The following CTNNA2 variants were observed in gnomAD, a reference collection of about 807,000 sequenced individuals.
CTNNA2 encodes catenin alpha 2, also known as catenin alpha-2.
Under a neutral mutation model 101.0 loss-of-function variants are expected in CTNNA2, and 42 were observed. The ratio of observed to expected loss-of-function variants is 0.42; its 90% CI spans 0.32 to 0.54. The LOEUF is 0.54. CTNNA2 is among the 20% of genes least tolerant of loss of function. CTNNA2 has a pLI of 0.14. For synonymous variants in CTNNA2, 450 were observed against 456.4 expected, an observed-to-expected ratio of 0.99 and a Z score of 0.18; for missense variants, 871 against 1,223.1, an observed-to-expected ratio of 0.71 and a Z score of 4.29.
rs866440737 is a variant in CTNNA2, at chr2:79,930,296, G to A, written c.1056+20499G>A. ...AAAGAAAGAGAGAGAGAGAGAAAGA[G>A]AAAGAAAGAAAGAAAGAAAGAAAGA... On this transcript the variant is annotated intron_variant, in intron 7 of 18. Transcript: ENST00000402739. Among the ~76,000 whole-genome samples the A allele has an allele frequency of 1.9e-4, 3 of 15,966 alleles. 1 individual carries two copies. The highest frequency in any genetic ancestry group is 8.0e-4 in the African/African-American group (3 of 3,744). 10.5% of individuals were successfully genotyped at this position (15,966 alleles called of 152,430 possible).
At chr2:80,281,086 A>G (rs1674343965) in intron 7 of CTNNA2, among the ~76,000 whole-genome samples, 1 of 152,158 alleles carries the variant, frequency 6.6e-6, no homozygotes, top group South Asian at 2.1e-4. Flanking sequence ...ATTGGCTATT[A>G]GCTAAAATGC....
rs150482250 is a variant in CTNNA2 at position 80,284,580 on chromosome 2, T to A, written c.1057-108631T>A. Among the ~76,000 whole-genome samples, 47 of 152,102 alleles carry A rather than the reference T, an allele frequency of 3.1e-4. No individual in the cohort carries two copies. In the East Asian group the frequency reaches 7.4e-3, roughly 24 times the overall value. Reference sequence around the variant, plus strand: ...TACTGGGTTTTTCCTCTACTATGAATCCACCAGTTCCATCCCTCCCATGAT... The same window carrying A: ...TACTGGGTTTTTCCTCTACTATGAAACCACCAGTTCCATCCCTCCCATGAT... On this transcript the variant is annotated intron_variant, in intron 7 of 18. Coordinates refer to ENST00000402739, the MANE Select transcript of CTNNA2 (RefSeq NM_001282597.3).
At chr2:79,700,022 G>T (rs1192552083) in intron 2 of CTNNA2, among the ~76,000 whole-genome samples, 1 of 151,098 alleles carries the variant, frequency 6.6e-6, no homozygotes, top group Non-Finnish European at 1.5e-5. Flanking sequence ...ATGCTGCCAG[G>T]AATTCAGGAG....
rs183877863 is a variant in CTNNA2, at chr2:80,229,753, T to C, written c.1057-163458T>C. Among the ~76,000 whole-genome samples the C allele has an allele frequency of 5.4e-4, 82 of 152,280 alleles. 1 individual carries two copies. The highest frequency in any genetic ancestry group is 1.7e-3 in the African/African-American group (72 of 41,568). ...TACTTGATTCCCATGGCAACCAGTC[T>C]CTATCCTTAGAGACCTTCCAAAAGT... On this transcript the variant is annotated intron_variant, in intron 7 of 18. Coordinates refer to ENST00000402739, the MANE Select transcript of CTNNA2 (RefSeq NM_001282597.3).
intron 4 of CTNNA2, among the ~76,000 whole-genome samples, chr2:79,453,635 A>G (rs1355712768): frequency 1.3e-5 from 2 of 152,176 alleles, no homozygotes; most frequent in Non-Finnish European, 2.9e-5. Context: ...GTGGCCAGCC[A>G]GTACTTTGCA....
chr2:79,796,466 CAACA>C (rs1675710875), intron 3 of CTNNA2, among the ~76,000 whole-genome samples: 1 of 150,570 alleles, frequency 6.6e-6, no homozygotes, highest in African/African-American at 2.5e-5. Context: ...ACAACAGCAA[CAACA>C]AATAGAAACA....
intron 7 of CTNNA2, among the ~76,000 whole-genome samples, chr2:80,191,682 C>CAA (rs59766518): frequency 4.6e-5 from 7 of 151,902 alleles, no homozygotes; most frequent in Admixed American, 3.9e-4. Flanking sequence ...TGAAGAGTAA[C>CAA]AAAAAACATT....
intron 2 of CTNNA2, among the ~76,000 whole-genome samples, chr2:79,243,255 A>G (rs1019863381): frequency 1.3e-5 from 2 of 152,010 alleles, no homozygotes; most frequent in African/African-American, 4.8e-5. Context: ...AAGGCAGAGG[A>G]AATTGTAGTT....
At chr2:79,916,538 TCCCC>T (rs1686221177) in intron 7 of CTNNA2, among the ~76,000 whole-genome samples, 1 of 6,924 alleles carries the variant, frequency 1.4e-4, no homozygotes, top group Non-Finnish European at 2.2e-4. Context: ...TCCCCTCCCC[TCCCC>T]TCCCCTCCCC....
In CTNNA2 at chr2:79,323,527, TCA is replaced by T. The variant is rs1676673015; in HGVS notation, c.-318+10732_-318+10733del. On this transcript the variant is annotated intron_variant, in intron 3 of 21. Transcript: ENST00000466387. ...TACTCAACATCCATTTATACTTTCT[TCA>T]AAAAAAAATAGAACAAAGTAAAACA... 2.7e-5 allele frequency among the ~76,000 whole-genome samples: 4 copies of T among 147,176 alleles called. 1 individual carries two copies. The East Asian group carries it at 8.1e-4, about 30-fold the overall frequency.
chr2:80,528,139 A>G (rs1690196680), intron 9 of CTNNA2, among the ~76,000 whole-genome samples: 1 of 152,168 alleles, frequency 6.6e-6, no homozygotes, highest in Non-Finnish European at 1.5e-5. Flanking sequence ...AAAGGAAATG[A>G]GAGTTTGTTT....
intron 3 of CTNNA2, among the ~76,000 whole-genome samples, chr2:79,745,456 GA>G (rs1252000568): frequency 4.0e-5 from 6 of 151,396 alleles, no homozygotes; most frequent in African/African-American, 1.5e-4. Flanking sequence ...AAAATAAAAA[GA>G]AAAAAGTCTT....
At chr2:79,745,560 C>T (rs1046575539) in intron 3 of CTNNA2, among the ~76,000 whole-genome samples, 2 of 152,120 alleles carry the variant, frequency 1.3e-5, no homozygotes, top group African/African-American at 4.8e-5. Flanking sequence ...CAAACTGAAA[C>T]TCTATACCCA....
rs1689470187 is a variant in CTNNA2 at position 80,520,678 on chromosome 2, A to T, written c.1291-24304A>T. Among the ~76,000 whole-genome samples, 3 of 152,132 alleles carry T rather than the reference A, an allele frequency of 2.0e-5. 1 individual carries two copies. Among genetic ancestry groups the T allele is most frequent in the Admixed American group, 2.0e-4 (3 of 15,268 alleles). On this transcript the variant is annotated intron_variant, in intron 9 of 18. Transcript: ENST00000402739. ...CATTCATGAAGACTCCACTCTCATG[A>T]CTTAATTAGCCCCCAAGGGCTCCAC...
chr2:79,487,354 C>T (rs1281705741), intron 4 of CTNNA2, among the ~76,000 whole-genome samples: 3 of 152,196 alleles, frequency 2.0e-5, no homozygotes, highest in Non-Finnish European at 4.4e-5. Context: ...AAACATGCTG[C>T]TTCTCATATA....
At chr2:80,427,647 G>A (rs947668203) in intron 9 of CTNNA2, among the ~76,000 whole-genome samples, 1 of 152,208 alleles carries the variant, frequency 6.6e-6, no homozygotes, top group African/African-American at 2.4e-5. Context: ...ATGAGAAGCT[G>A]TATCTACTGG....
intron 7 of CTNNA2, among the ~76,000 whole-genome samples, chr2:80,310,513 A>G (rs1050118247): frequency 2.0e-5 from 3 of 152,196 alleles, no homozygotes; most frequent in Admixed American, 1.3e-4. Context: ...GCAGCCCAAC[A>G]TGTTGCCCCT....
At chr2:80,087,166 C>A (rs938143136) in intron 7 of CTNNA2, among the ~76,000 whole-genome samples, 11 of 151,932 alleles carry the variant, frequency 7.2e-5, no homozygotes, top group African/African-American at 2.2e-4. Flanking sequence ...AGTGAGTCAG[C>A]AATTATAGCC....
At chr2:79,602,032 G>A (rs761484103) in intron 1 of CTNNA2, among the ~76,000 whole-genome samples, 1 of 148,524 alleles carries the variant, frequency 6.7e-6, no homozygotes, top group South Asian at 2.1e-4. Context: ...ATTGAATATT[G>A]TACTGAAATT....
Sources: gnomAD v4.1 joint callset for allele counts (sites outside exome capture counted in the v4.1 genomes callset) on GRCh38, gnomAD v4.1.1 for gene constraint, MANE v1.5 for transcripts, NCBI Gene and HGNC (gene_info 2026-07-23, HGNC 2026-07-21) for gene names.